The following SLC38A12 variants were observed in gnomAD, a reference collection of about 807,000 sequenced individuals.
SLC38A12 encodes putative sodium-coupled neutral amino acid transporter 12.
At chr17:74,815,618 A>G in the SLC38A12 span, among the ~76,000 whole-genome samples, 1 of 152,190 alleles carries the variant, frequency 6.6e-6, no homozygotes, top group African/African-American at 2.4e-5. Context: ...TATGACACAG[A>G]AGCACGCAGA....
chr17:74,821,875 G>A, the SLC38A12 span, among the ~76,000 whole-genome samples: 501 of 152,298 alleles, frequency 3.3e-3, 3 homozygotes, highest in African/African-American at 0.011. Flanking sequence ...AAAGGGCCCC[G>A]TGGGCACTGG....
At chr17:74,837,851 C>T in the SLC38A12 span, 1 of 985,856 alleles carries the variant, frequency 1.0e-6, no homozygotes, top group Non-Finnish European at 1.2e-6. Context: ...ACCTGGGGGT[C>T]CCCCTGACCC....
chr17:74,797,042 C>T, the SLC38A12 span, among the ~76,000 whole-genome samples: 1 of 152,190 alleles, frequency 6.6e-6, no homozygotes, highest in Admixed American at 6.5e-5. Context: ...AGAGCAGCCA[C>T]AGCAGAGCCA....
the SLC38A12 span, chr17:74,785,428 A>T: frequency 6.3e-7 from 1 of 1,587,566 alleles, no homozygotes; most frequent in Non-Finnish European, 8.6e-7. Context: ...GGGAGCTGTT[A>T]AGGGGAGAAG....
At chr17:74,784,893 C>T in the SLC38A12 span, among the ~76,000 whole-genome samples, 5 of 152,072 alleles carry the variant, frequency 3.3e-5, 1 homozygote, top group South Asian at 6.2e-4. Flanking sequence ...GTGAATATTA[C>T]TAAAACCCAC....
the SLC38A12 span, chr17:74,785,731 G>A: frequency 7.6e-7 from 1 of 1,308,846 alleles, no homozygotes; most frequent in Non-Finnish European, 1.0e-6. Context: ...CGAGCTCAGT[G>A]AGTCCTTGCC....
chr17:74,805,560 G>C, the SLC38A12 span, among the ~76,000 whole-genome samples: 1 of 152,170 alleles, frequency 6.6e-6, no homozygotes, highest in African/African-American at 2.4e-5. The surrounding 1 kb of genome is among the most constrained non-coding windows in gnomAD (Gnocchi z 5.0). Context: ...TCTCAAACCC[G>C]CTTCAAGAGA....
the SLC38A12 span, among the ~76,000 whole-genome samples, chr17:74,806,913 C>T: frequency 3.3e-5 from 5 of 152,306 alleles, no homozygotes; most frequent in African/African-American, 1.2e-4. Flanking sequence ...CTGGTGTGCA[C>T]ACCCAGCGCC....
the SLC38A12 span, among the ~76,000 whole-genome samples, chr17:74,812,977 A>G: frequency 3.9e-5 from 6 of 152,170 alleles, no homozygotes; most frequent in Non-Finnish European, 7.3e-5. Context: ...GTGGAAGCCA[A>G]AACCAAAAAA....
At chr17:74,824,576 G>A in the SLC38A12 span, among the ~76,000 whole-genome samples, 30 of 152,164 alleles carry the variant, frequency 2.0e-4, no homozygotes, top group African/African-American at 5.8e-4. Flanking sequence ...GGTGCGGGGC[G>A]CCCCATTTGG....
chr17:74,817,955 C>G, the SLC38A12 span, among the ~76,000 whole-genome samples: 2 of 152,176 alleles, frequency 1.3e-5, no homozygotes, highest in Non-Finnish European at 2.9e-5. Flanking sequence ...CAGTTTCCAG[C>G]AGACCACAGT....
the SLC38A12 span, among the ~76,000 whole-genome samples, chr17:74,785,117 T>C: frequency 6.6e-6 from 1 of 152,172 alleles, no homozygotes; most frequent in Non-Finnish European, 1.5e-5. Context: ...TGCGCTCACC[T>C]TTGTGCCAGG....
chr17:74,825,634 G>A, the SLC38A12 span, among the ~76,000 whole-genome samples: 57 of 152,342 alleles, frequency 3.7e-4, no homozygotes, highest in South Asian at 6.2e-3. Context: ...GTGTACGGCC[G>A]AGATGGGCAG....
chr17:74,812,824 A>G, the SLC38A12 span, among the ~76,000 whole-genome samples: 2 of 151,936 alleles, frequency 1.3e-5, no homozygotes, highest in East Asian at 3.9e-4. Context: ...AGAAATCCCC[A>G]TCAGCCCCCA....
At chr17:74,779,242 A>C in the SLC38A12 span, among the ~76,000 whole-genome samples, 1 of 152,168 alleles carries the variant, frequency 6.6e-6, no homozygotes, top group East Asian at 1.9e-4. Context: ...GTCCTCTCAC[A>C]TGTCAGCATG....
the SLC38A12 span, chr17:74,785,635 C>T: frequency 1.9e-6 from 3 of 1,606,698 alleles, no homozygotes; most frequent in African/African-American, 4.0e-5. Context: ...CCCACAGGGG[C>T]CAGGAGTGGA....
the SLC38A12 span, among the ~76,000 whole-genome samples, chr17:74,778,492 G>A: frequency 6.6e-6 from 1 of 152,088 alleles, no homozygotes; most frequent in Admixed American, 6.5e-5. Context: ...TGGTGTGATG[G>A]ACAAGGAAGT....
the SLC38A12 span, among the ~76,000 whole-genome samples, chr17:74,835,417 G>A: frequency 1.1e-4 from 16 of 152,102 alleles, no homozygotes; most frequent in African/African-American, 3.6e-4. Context: ...CTCGGCCCAG[G>A]AGGACACCTC....
chr17:74,792,491 T>C, the SLC38A12 span, among the ~76,000 whole-genome samples: 1 of 152,208 alleles, frequency 6.6e-6, no homozygotes, highest in Non-Finnish European at 1.5e-5. Flanking sequence ...TAGTTTTTAA[T>C]GCCCAGACCT....
Sources: gnomAD v4.1 joint callset for allele counts (sites outside exome capture counted in the v4.1 genomes callset) on GRCh38, gnomAD v4.1.1 for gene constraint, Gnocchi (gnomAD v3.1) non-coding constraint, MANE v1.5 for transcripts, NCBI Gene and HGNC (gene_info 2026-07-23, HGNC 2026-07-21) for gene names.